The following OPCML variants were observed in gnomAD, a reference collection of about 807,000 sequenced individuals.
OPCML encodes the protein opioid binding protein/cell adhesion molecule like.
Under a neutral mutation model 37.8 loss-of-function variants are expected in OPCML, and 13 were observed. That is an observed-to-expected ratio of 0.34 (90% CI 0.22 to 0.55). The LOEUF is 0.55. OPCML is among the 20% of genes least tolerant of loss of function. OPCML has a pLI of 0.91. For missense variants in OPCML, 341 were observed against 435.6 expected (o/e 0.78, Z 1.93); for synonymous variants, 176 against 168.8 (o/e 1.04, Z -0.33).
At chr11:133,219,947 C>T (rs549557177) in intron 1 of OPCML, among the ~76,000 whole-genome samples, 2 of 152,216 alleles carry the variant, frequency 1.3e-5, no homozygotes, top group Admixed American at 1.3e-4. Flanking sequence ...GCTCACTGCT[C>T]ATGCCAACCA....
intron 3 of OPCML, among the ~76,000 whole-genome samples, chr11:132,597,018 A>G (rs552507183): frequency 6.6e-6 from 1 of 152,196 alleles, no homozygotes; most frequent in African/African-American, 2.4e-5. Context: ...TCTCATATAG[A>G]ATCTATGTAG....
chr11:132,834,621 T>C (rs1940903961), intron 2 of OPCML, among the ~76,000 whole-genome samples: 2 of 152,236 alleles, frequency 1.3e-5, no homozygotes, highest in Admixed American at 1.3e-4. Flanking sequence ...TCTGAGTCTG[T>C]GTCTTCACAT....
chr11:132,727,243 G>A (rs1023165612), intron 2 of OPCML, among the ~76,000 whole-genome samples: 1 of 152,200 alleles, frequency 6.6e-6, no homozygotes. Flanking sequence ...GGTTAGGTAA[G>A]TGGATTGCAA....
intron 1 of OPCML, among the ~76,000 whole-genome samples, chr11:133,305,096 C>T (rs1942877911): frequency 6.6e-6 from 1 of 152,106 alleles, no homozygotes; most frequent in Admixed American, 6.5e-5. Flanking sequence ...TCCCTCATTA[C>T]AATCACTATC....
chr11:132,637,652 A>G (rs1209010589), intron 3 of OPCML, among the ~76,000 whole-genome samples: 2 of 152,134 alleles, frequency 1.3e-5, no homozygotes. Flanking sequence ...TACTTTGAAT[A>G]TTAAAGTTCT....
At chr11:133,326,545 G>A (rs1306861200) in intron 1 of OPCML, among the ~76,000 whole-genome samples, 1 of 145,736 alleles carries the variant, frequency 6.9e-6, no homozygotes. Flanking sequence ...GGGGGAGTGG[G>A]TGTGGGTATA....
chr11:133,310,717 A>G (rs1486168357), intron 1 of OPCML, among the ~76,000 whole-genome samples: 1 of 152,128 alleles, frequency 6.6e-6, no homozygotes, highest in Non-Finnish European at 1.5e-5. Context: ...TTCAGGTGGA[A>G]TGAGTCAACC....
At chr11:133,409,290 C>G (rs7937309) in intron 1 of OPCML, among the ~76,000 whole-genome samples, 13,796 of 152,206 alleles carry the variant, frequency 0.091, 1,832 homozygotes, top group African/African-American at 0.29. Flanking sequence ...AGTACTGTTC[C>G]CAATTCTCAC....
intron 1 of OPCML, among the ~76,000 whole-genome samples, chr11:132,966,457 T>C (rs1047761928): frequency 6.6e-6 from 1 of 152,172 alleles, no homozygotes; most frequent in Non-Finnish European, 1.5e-5. Flanking sequence ...TGAATTCCTG[T>C]TTTATGGCCA....
chr11:133,502,691 C>T (rs1947942348), intron 1 of OPCML, among the ~76,000 whole-genome samples: 1 of 152,184 alleles, frequency 6.6e-6, no homozygotes, highest in Non-Finnish European at 1.5e-5. Flanking sequence ...ATTTTCAGTC[C>T]AAGTCCTCAG....
chr11:132,787,724 GC>G (rs1947266214), intron 2 of OPCML, among the ~76,000 whole-genome samples: 1 of 152,112 alleles, frequency 6.6e-6, no homozygotes, highest in Admixed American at 6.6e-5. Flanking sequence ...AGAACCTATA[GC>G]CTTGGGTCCT....
intron 2 of OPCML, among the ~76,000 whole-genome samples, chr11:132,838,945 T>G (rs906425923): frequency 6.6e-6 from 1 of 152,176 alleles, no homozygotes; most frequent in East Asian, 1.9e-4. Context: ...CCTTAAGAAT[T>G]TGTTCTAGAA....
At chr11:132,499,345 C>G (rs2096240949) in intron 4 of OPCML, among the ~76,000 whole-genome samples, 1 of 152,206 alleles carries the variant, frequency 6.6e-6, no homozygotes, top group Non-Finnish European at 1.5e-5. Context: ...GCCTGTTACG[C>G]TGCCTCCCTC....
intron 1 of OPCML, among the ~76,000 whole-genome samples, chr11:133,150,244 C>T (rs1201736406): frequency 4.6e-5 from 7 of 152,188 alleles, no homozygotes; most frequent in Non-Finnish European, 8.8e-5. Context: ...TAATGTGTAT[C>T]GAGCCCTTAC....
At chr11:133,198,768 T>C (rs1338252428) in intron 1 of OPCML, among the ~76,000 whole-genome samples, 1 of 152,200 alleles carries the variant, frequency 6.6e-6, no homozygotes, top group Non-Finnish European at 1.5e-5. Context: ...GTAGCAGACA[T>C]GCTTAGGCCC....
intron 1 of OPCML, chr11:133,422,608 CAGCCTCCCG>C: frequency 1.0e-6 from 1 of 959,320 alleles, no homozygotes. Context: ...CCTGCTACCG[CAGCCTCCCG>C]AGTAGTTGAG....
intron 2 of OPCML, among the ~76,000 whole-genome samples, chr11:132,888,453 T>C (rs1027798): frequency 0.71 from 107,527 of 152,062 alleles, 38,663 homozygotes; most frequent in African/African-American, 0.83. Flanking sequence ...AGAAGGAACG[T>C]GAAGGAGCCT....
intron 4 of OPCML, among the ~76,000 whole-genome samples, chr11:132,455,143 TCA>T: frequency 6.6e-6 from 1 of 152,240 alleles, no homozygotes; most frequent in Non-Finnish European, 1.5e-5. Context: ...GCAAAAAGTT[TCA>T]CAGAGTTTGC....
chr11:133,271,066 C>T (rs550200970), intron 1 of OPCML, among the ~76,000 whole-genome samples: 1 of 152,322 alleles, frequency 6.6e-6, no homozygotes, highest in Admixed American at 6.5e-5. Context: ...CACAGTAAGA[C>T]ATCAGACTTT....
Sources: gnomAD v4.1 joint callset for allele counts (sites outside exome capture counted in the v4.1 genomes callset) on GRCh38, gnomAD v4.1.1 for gene constraint, MANE v1.5 for transcripts, NCBI Gene and HGNC (gene_info 2026-07-23, HGNC 2026-07-21) for gene names.